TANGO6: variants seen among roughly 807,000 people sequenced by gnomAD.
The protein encoded by TANGO6 is transport and golgi organization 6 homolog.
A neutral mutation model predicts 114.2 loss-of-function variants in TANGO6; 90 were observed. The ratio of observed to expected loss-of-function variants is 0.79; its 90% CI spans 0.66 to 0.94. TANGO6 has a LOEUF of 0.94. Among genes scored for constraint, TANGO6 ranks in the 40% least tolerant of loss-of-function variants. The pLI is 0.00. For missense variants in TANGO6, 1,274 were observed against 1,315.3 expected (o/e 0.97, Z 0.49); for synonymous variants, 477 against 509.8 (o/e 0.94, Z 0.87).
At chr16:69,018,220 T>C (rs1006913869) in intron 15 of TANGO6, among the ~76,000 whole-genome samples, 3 of 140,640 alleles carry the variant, frequency 2.1e-5, no homozygotes, top group African/African-American at 7.9e-5. Context: ...CTCGGCTCAC[T>C]GCAAGCTCCG....
In TANGO6 at chr16:68,927,762, G is replaced by C. The variant is rs1485658148; in HGVS notation, c.2322G>C (p.Gly774=). 3.1e-6 allele frequency: 5 copies of C among 1,613,848 alleles called. No individual in the cohort carries two copies. The highest frequency in any genetic ancestry group is 4.2e-6 in the Non-Finnish European group (5 of 1,179,908). The change falls in exon 13 of 18, where the codon GGG becomes GGC. Residue 774 remains glycine (G), a synonymous_variant. Transcript: ENST00000261778. ...QSTLNRKDLE[G]KIEEQQQTSH... is the part of the protein sequence containing the mutation. ...CACTGAACAGAAAAGATCTGGAAGG[G>C]AAAATAGAAGAGCAGCAACAAACCA... is the stretch of plus-strand genomic sequence containing the variant.
intron 4 of TANGO6, among the ~76,000 whole-genome samples, chr16:68,870,921 CAGGT>C (rs2152164451): frequency 6.6e-6 from 1 of 151,372 alleles, no homozygotes; most frequent in African/African-American, 2.4e-5. Flanking sequence ...GCTGGGATTA[CAGGT>C]GCCAGCCACC....
intron 14 of TANGO6, chr16:68,937,319 C>G (rs533408283): frequency 6.6e-6 from 1 of 152,282 alleles, no homozygotes; most frequent in African/African-American, 2.4e-5. Flanking sequence ...GAGAATGTCT[C>G]TCATATATGG....
chr16:68,924,505 C>T (rs79103845), intron 12 of TANGO6, among the ~76,000 whole-genome samples: 5,162 of 148,466 alleles, frequency 0.035, 119 homozygotes, highest in African/African-American at 0.064. Context: ...AAAGGCTCCT[C>T]AGCTGGGCAC....
chr16:69,036,773 G>A (rs1959693979), intron 16 of TANGO6, among the ~76,000 whole-genome samples: 1 of 152,050 alleles, frequency 6.6e-6, no homozygotes, highest in African/African-American at 2.4e-5. Context: ...GACCAGCCTG[G>A]GCAACATGGC....
At chr16:69,044,891 C>A (rs1959827224) in intron 17 of TANGO6, among the ~76,000 whole-genome samples, 1 of 152,138 alleles carries the variant, frequency 6.6e-6, no homozygotes, top group Admixed American at 6.6e-5. Context: ...CGCAGTGCCT[C>A]ATGCCTATAA....
intron 14 of TANGO6, among the ~76,000 whole-genome samples, chr16:68,957,099 T>C (rs546653955): frequency 2.0e-5 from 3 of 152,218 alleles, no homozygotes; most frequent in Admixed American, 1.3e-4. Flanking sequence ...TATTTTTACT[T>C]TAATTTTTAA....
intron 14 of TANGO6, among the ~76,000 whole-genome samples, chr16:68,931,252 T>G (rs899676261): frequency 6.6e-6 from 1 of 152,220 alleles, no homozygotes; most frequent in African/African-American, 2.4e-5. Context: ...GGCAAATTAC[T>G]TAATCCCTGT....
chr16:68,933,820 G>A (rs1963272171), intron 14 of TANGO6: 1 of 152,236 alleles, frequency 6.6e-6, no homozygotes. Context: ...ACATAGCAAA[G>A]GGCATTGATG....
chr16:68,950,914 C>T (rs1049154880), intron 14 of TANGO6, among the ~76,000 whole-genome samples: 1 of 151,802 alleles, frequency 6.6e-6, no homozygotes, highest in African/African-American at 2.4e-5. Context: ...CAGAACAGTA[C>T]TGTTGTTTTT....
chr16:68,998,060 T>G (rs1296946643), intron 15 of TANGO6, among the ~76,000 whole-genome samples: 1 of 152,196 alleles, frequency 6.6e-6, no homozygotes, highest in East Asian at 1.9e-4. Flanking sequence ...AGTAGGCTTA[T>G]CCTGCATTCC....
At chr16:68,962,817 C>A (rs1178926391) in intron 14 of TANGO6, among the ~76,000 whole-genome samples, 2 of 151,660 alleles carry the variant, frequency 1.3e-5, no homozygotes, top group African/African-American at 4.8e-5. Flanking sequence ...CGCGGTGGCT[C>A]ATGCCTGTAA....
At chr16:68,892,639 C>T (rs1335279274) in intron 7 of TANGO6, among the ~76,000 whole-genome samples, 4 of 151,834 alleles carry the variant, frequency 2.6e-5, no homozygotes, top group East Asian at 1.9e-4. Context: ...CTGAGCCTCC[C>T]GAGTAACTGG....
chr16:68,859,537 A>G (rs28754553), intron 1 of TANGO6, among the ~76,000 whole-genome samples: 12 of 152,126 alleles, frequency 7.9e-5, no homozygotes, highest in Non-Finnish European at 1.6e-4. Flanking sequence ...TGCATGTTCT[A>G]TGGTAAATGT....
At chr16:68,930,118 GT>G in intron 13 of TANGO6, 119 bp from the exon 14 acceptor site, 1 of 814,198 alleles carries the variant, frequency 1.2e-6, no homozygotes, top group Non-Finnish European at 2.0e-6. Flanking sequence ...TGTCAGACCA[GT>G]TTCTACCCAA....
At chr16:68,975,626 T>C (rs979388265) in intron 15 of TANGO6, among the ~76,000 whole-genome samples, 10 of 152,068 alleles carry the variant, frequency 6.6e-5, no homozygotes, top group Non-Finnish European at 1.5e-5. Flanking sequence ...GGTGCATTCA[T>C]GGCTTACTGC....
chr16:68,883,326 AC>A (rs1384597123), intron 7 of TANGO6, among the ~76,000 whole-genome samples: 1 of 152,230 alleles, frequency 6.6e-6, no homozygotes, highest in East Asian at 1.9e-4. Context: ...ACATGGCAAA[AC>A]CCTGTCTCTA....
chr16:68,996,498 G>A (rs532684414), intron 15 of TANGO6, among the ~76,000 whole-genome samples: 54 of 152,222 alleles, frequency 3.5e-4, no homozygotes, highest in Non-Finnish European at 6.2e-4. Context: ...AGATGTTAGC[G>A]AGCACAAAAA....
intron 15 of TANGO6, among the ~76,000 whole-genome samples, chr16:68,978,490 T>C (rs533091856): frequency 1.3e-5 from 2 of 152,254 alleles, no homozygotes; most frequent in African/African-American, 2.4e-5. Context: ...CTTTAACTGC[T>C]AGTTTCTGTT....
Sources: gnomAD v4.1 joint callset for allele counts (sites outside exome capture counted in the v4.1 genomes callset) on GRCh38, gnomAD v4.1.1 for gene constraint, MANE v1.5 for transcripts, NCBI Gene and HGNC (gene_info 2026-07-23, HGNC 2026-07-21) for gene names.